Variants in KCNMA1 observed in about 807,000 individuals in gnomAD.
The protein encoded by KCNMA1 is Calcium-activated potassium channel subunit alpha-1.
Under a neutral mutation model 140.0 loss-of-function variants are expected in KCNMA1, and 29 were observed. That is an observed-to-expected ratio of 0.21 (90% CI 0.15 to 0.28). KCNMA1 has a LOEUF of 0.28. KCNMA1 is among the 10% of genes least tolerant of loss of function. The pLI is 1.00. For synonymous variants in KCNMA1, 612 were observed against 611.9 expected, an observed-to-expected ratio of 1.00 and a Z score of 0.00; for missense variants, 880 against 1,602.2, an observed-to-expected ratio of 0.55 and a Z score of 7.70.
intron 5 of KCNMA1, among the ~76,000 whole-genome samples, chr10:77,123,375 T>G (rs1257114037): frequency 6.6e-6 from 1 of 152,056 alleles, no homozygotes; most frequent in Non-Finnish European, 1.5e-5. Flanking sequence ...AGTGTGTGCA[T>G]AAAGTTTCCA....
At chr10:77,097,220 G>A (rs77690725) in intron 9 of KCNMA1, among the ~76,000 whole-genome samples, 7,936 of 152,078 alleles carry the variant, frequency 0.052, 258 homozygotes, top group Middle Eastern at 0.092. Flanking sequence ...GTTTCCCAGC[G>A]CTTCCCTTGA....
Position 77,120,905 on chromosome 10 carries a change from G to T in KCNMA1, c.884+68C>A, listed in dbSNP as rs1478745756. 24 of 838,546 alleles carry T rather than the reference G, an allele frequency of 2.9e-5. 1 individual carries two copies. In the East Asian group the frequency reaches 3.7e-4, roughly 13 times the overall value. 51.9% of individuals were successfully genotyped at this position (838,546 alleles called of 1,614,324 possible). A position where few individuals can be genotyped will look rare whatever the true frequency, so the allele number is the denominator to read the frequency against. On this transcript the variant is annotated intron_variant, in intron 6 of 27. Coordinates refer to ENST00000286628, the MANE Select transcript of KCNMA1 (RefSeq NM_001161352.2). ...AATAATGTCATTGTGATGAAAGCAA[G>T]CACACCTGATATTTGCAACTTGGCA...
intron 25 of KCNMA1, chr10:76,904,010 A>C (rs2046726520): frequency 6.6e-6 from 1 of 152,240 alleles, no homozygotes; most frequent in Non-Finnish European, 1.5e-5. Flanking sequence ...ACACAAACAC[A>C]TAAATATATA....
chr10:77,143,787 A>C (rs1469048603), intron 5 of KCNMA1, among the ~76,000 whole-genome samples: 1 of 152,214 alleles, frequency 6.6e-6, no homozygotes, highest in African/African-American at 2.4e-5. Context: ...AATAAATTAA[A>C]AGATAAGCCA....
intron 1 of KCNMA1, among the ~76,000 whole-genome samples, chr10:77,471,543 C>G (rs2098151687): frequency 6.6e-6 from 1 of 150,618 alleles, no homozygotes; most frequent in Admixed American, 6.6e-5. Context: ...GCACACACTA[C>G]ACACACACCA....
intron 2 of KCNMA1, among the ~76,000 whole-genome samples, chr10:77,379,759 A>C (rs939791777): frequency 6.6e-6 from 1 of 152,096 alleles, no homozygotes; most frequent in African/African-American, 2.4e-5. Flanking sequence ...AAATCACATC[A>C]AGACTATATC....
intron 5 of KCNMA1, among the ~76,000 whole-genome samples, chr10:77,127,071 AACACACACACACACACAC>A (rs60249347): frequency 0.28 from 40,979 of 146,288 alleles, 5,999 homozygotes; most frequent in Middle Eastern, 0.36. Context: ...CACACACACA[AACACACACACACACACAC>A]ACACACACAC....
intron 2 of KCNMA1, among the ~76,000 whole-genome samples, chr10:77,333,555 C>T (rs993146363): frequency 2.0e-5 from 3 of 152,152 alleles, no homozygotes; most frequent in African/African-American, 7.2e-5. Flanking sequence ...ACATTTGTGC[C>T]TAAATTCAAA....
chr10:77,111,116 A>G (rs1564601714), intron 7 of KCNMA1, among the ~76,000 whole-genome samples: 1 of 152,226 alleles, frequency 6.6e-6, no homozygotes, highest in Non-Finnish European at 1.5e-5. Flanking sequence ...CTTTGGCCCG[A>G]GACTGCAGTT....
intron 3 of KCNMA1, among the ~76,000 whole-genome samples, chr10:77,201,231 G>A (rs935091853): frequency 6.6e-6 from 1 of 152,162 alleles, no homozygotes; most frequent in African/African-American, 2.4e-5. Flanking sequence ...TGGGAGCTCT[G>A]TACCCTATGT....
At chr10:77,335,487 G>T (rs1336139013) in intron 2 of KCNMA1, among the ~76,000 whole-genome samples, 2 of 152,200 alleles carry the variant, frequency 1.3e-5, no homozygotes, top group Admixed American at 6.5e-5. Context: ...TAAAAGTAAA[G>T]ATGCCACAAG....
intron 3 of KCNMA1, among the ~76,000 whole-genome samples, chr10:77,226,564 C>T (rs913105051): frequency 1.9e-4 from 29 of 151,990 alleles, no homozygotes; most frequent in African/African-American, 7.0e-4. Context: ...TGGTGAAGTT[C>T]AGCAGTGAAA....
chr10:76,909,415 C>T (rs1476055742), intron 25 of KCNMA1, among the ~76,000 whole-genome samples: 1 of 152,096 alleles, frequency 6.6e-6, no homozygotes, highest in Non-Finnish European at 1.5e-5. Context: ...TGTCACTCTC[C>T]AACTAAAATC....
chr10:77,162,869 C>T (rs1326259849), intron 5 of KCNMA1, among the ~76,000 whole-genome samples: 3 of 152,198 alleles, frequency 2.0e-5, no homozygotes, highest in Admixed American at 6.5e-5. Context: ...GCATAGCATA[C>T]ATCAATTAAA....
intron 2 of KCNMA1, among the ~76,000 whole-genome samples, chr10:77,382,738 G>A (rs920359179): frequency 1.3e-5 from 2 of 150,414 alleles, no homozygotes; most frequent in African/African-American, 4.9e-5. Flanking sequence ...GGTGGTGGGT[G>A]CCTGTAATCC....
intron 1 of KCNMA1, among the ~76,000 whole-genome samples, chr10:77,489,837 G>C (rs1188820343): frequency 2.6e-5 from 4 of 152,206 alleles, no homozygotes; most frequent in Non-Finnish European, 5.9e-5. Flanking sequence ...TCAAGGTTCT[G>C]TCTGGCCTCT....
intron 20 of KCNMA1, among the ~76,000 whole-genome samples, chr10:76,967,422 T>C (rs2074379843): frequency 6.6e-6 from 1 of 152,188 alleles, no homozygotes; most frequent in South Asian, 2.1e-4. Flanking sequence ...CCTTGTTTTC[T>C]GCCAATCAAC....
chr10:76,895,218 A>T (rs1236528355), intron 25 of KCNMA1, among the ~76,000 whole-genome samples: 1 of 152,156 alleles, frequency 6.6e-6, no homozygotes, highest in Non-Finnish European at 1.5e-5. Flanking sequence ...GTGAGCCCTT[A>T]AAAGGGACAG....
At chr10:77,053,170 C>T (rs2095431418) in intron 14 of KCNMA1, among the ~76,000 whole-genome samples, 1 of 152,126 alleles carries the variant, frequency 6.6e-6, no homozygotes. Flanking sequence ...CTCCCTGTCC[C>T]CATGCTCACC....
Sources: allele counts gnomAD v4.1 joint callset (sites outside exome capture counted in the v4.1 genomes callset), GRCh38; gene constraint gnomAD v4.1.1; transcripts MANE v1.5; gene names NCBI Gene and HGNC (gene_info 2026-07-23, HGNC 2026-07-21).